Variants in SERPINB13 observed in about 807,000 individuals in gnomAD.
SERPINB13 encodes the protein serpin family B member 13, also known as serpin B13.
A neutral mutation model predicts 31.2 loss-of-function variants in SERPINB13; 26 were observed. The observed-to-expected ratio is 0.83, with a 90% CI of 0.61 to 1.15. The LOEUF (loss-of-function observed/expected upper bound fraction) is 1.15. Ranked by LOEUF, SERPINB13 falls within the 50% of genes most tolerant of loss-of-function variation. The pLI, the probability that SERPINB13 is intolerant of heterozygous loss-of-function variation, is 0.00. For synonymous variants in SERPINB13, 191 were observed against 172.4 expected (o/e 1.11, Z -0.85); for missense variants, 510 against 469.4 (o/e 1.09, Z -0.80).
At position 63,588,777 on chromosome 18, in the gene SERPINB13, C is replaced by A. The variant is rs545943149; in HGVS notation, c.110C>A (p.Ala37Glu). 2 of 1,614,154 alleles carry A rather than the reference C, an allele frequency of 1.2e-6. No homozygotes were observed. The highest frequency in any genetic ancestry group is 2.7e-5 in the African/African-American group (2 of 75,040). Reference sequence around the variant, plus strand: ...TTTTCCCCTGTGGGCATCTTGACTGCAATTGGCATGGTCCTCCTGGGGACC... The same window carrying A: ...TTTTCCCCTGTGGGCATCTTGACTGAAATTGGCATGGTCCTCCTGGGGACC... ...IFFSPVGILTAIGMVLLGTRG... is the reference protein window; with the variant it reads ...IFFSPVGILTEIGMVLLGTRG... The change falls in exon 2 of 8, where the codon GCA (alanine) becomes GAA (glutamate). Residue 37 changes from alanine to glutamate, a missense_variant. Ala to Glu is a moderately radical substitution (Grantham distance 107, BLOSUM62 -1). Transcript: ENST00000344731.
rs982447274 is a variant in SERPINB13, at chr18:63,598,387, G to T, written c.*1024G>T. 1 of 152,052 alleles carries T rather than the reference G, an allele frequency of 6.6e-6. No individual in the cohort carries two copies. Among genetic ancestry groups the T allele is most frequent in the Non-Finnish European group, 1.5e-5 (1 of 67,996 alleles). 9.4% of individuals were successfully genotyped at this position (152,052 alleles called of 1,614,324 possible). A position where few individuals can be genotyped will look rare whatever the true frequency, so the allele number is the denominator to read the frequency against. On this transcript the variant is annotated 3_prime_UTR_variant, in exon 8 of 8. Coordinates refer to ENST00000344731, the MANE Select transcript of SERPINB13 (RefSeq NM_012397.4). ...TATGCATCGCCACAATCCAGTTTTA[G>T]AATATTTCCATGACCCTAAGAAGTT...
At chr18:63,595,870 C>T (rs1446009640) in intron 7 of SERPINB13, among the ~76,000 whole-genome samples, 8 of 151,294 alleles carry the variant, frequency 5.3e-5, no homozygotes, top group Non-Finnish European at 1.0e-4. Flanking sequence ...CTGCACTCCG[C>T]CTGGGTGACA....
rs966534099 is a variant in SERPINB13 at position 63,599,149 on chromosome 18, C to T, written c.*1786C>T. On this transcript the variant is annotated 3_prime_UTR_variant, in exon 8 of 8. Coordinates refer to ENST00000344731, the MANE Select transcript of SERPINB13 (RefSeq NM_012397.4). ...TAAATGAGTTCTTAATAATCTCTGG[C>T]TTACAAGTCCTTAATTTATCAAATA... is the stretch of plus-strand genomic sequence containing the variant. 19 of 152,174 alleles carry T rather than the reference C, an allele frequency of 1.2e-4. 1 individual carries two copies. The highest frequency in any genetic ancestry group is 9.8e-4 in the Admixed American group (15 of 15,292). 9.4% of individuals were successfully genotyped at this position (152,174 alleles called of 1,614,324 possible).
chr18:63,592,132 G>C (rs578094984), intron 3 of SERPINB13, among the ~76,000 whole-genome samples: 48 of 152,306 alleles, frequency 3.2e-4, no homozygotes, highest in African/African-American at 1.1e-3. Context: ...TGGGCTGGCA[G>C]AGAAGGCTTC....
At chr18:63,592,320 C>A in intron 3 of SERPINB13, 28 bp from the exon 4 acceptor site, 1 of 1,598,536 alleles carries the variant, frequency 6.3e-7, no homozygotes, top group Non-Finnish European at 8.5e-7. Context: ...CCAAGATAAC[C>A]TGTTGAGATT....
intron 4 of SERPINB13, 49 bp from the exon 5 acceptor site, chr18:63,592,805 T>C: frequency 8.4e-7 from 1 of 1,187,446 alleles, no homozygotes; most frequent in Non-Finnish European, 1.2e-6. Context: ...TGGCAATTGA[T>C]AAATTGAGTT....
intron 3 of SERPINB13, among the ~76,000 whole-genome samples, chr18:63,590,408 C>G (rs1911784667): frequency 6.6e-6 from 1 of 152,184 alleles, no homozygotes; most frequent in Non-Finnish European, 1.5e-5. Context: ...TAGTGCAATT[C>G]CAGACCCTCA....
chr18:63,596,260 CA>C (rs1316056862), intron 7 of SERPINB13, among the ~76,000 whole-genome samples: 1 of 152,094 alleles, frequency 6.6e-6, no homozygotes, highest in East Asian at 1.9e-4. Context: ...TTTGAGACAG[CA>C]AAATAGCAAT....
At chr18:63,592,275 G>T (rs559050399) in intron 3 of SERPINB13, 73 bp from the exon 4 acceptor site, 6 of 1,511,138 alleles carry the variant, frequency 4.0e-6, no homozygotes, top group Non-Finnish European at 4.5e-6. Context: ...CCCAGCAGCC[G>T]CATCCTCTTA....
In SERPINB13 at chr18:63,598,440, C is replaced by CTAGG. The variant is rs1292286753; in HGVS notation, c.*1078_*1081dup. The CTAGG allele has an allele frequency of 6.6e-6, 1 of 152,064 alleles. No individual in the cohort carries two copies. Among genetic ancestry groups the CTAGG allele is most frequent in the African/African-American group, 2.4e-5 (1 of 41,414 alleles). 9.4% of individuals were successfully genotyped at this position (152,064 alleles called of 1,614,324 possible). ...CTCATGTCTATTAATATTCCCAATC[C>CTAGG]TAGGCACCACTGAGTTGTTTTCTGT... is the stretch of plus-strand genomic sequence containing the variant. On this transcript the variant is annotated 3_prime_UTR_variant, in exon 8 of 8. Transcript: ENST00000344731.
At chr18:63,591,554 G>T (rs1336629422) in intron 3 of SERPINB13, among the ~76,000 whole-genome samples, 1 of 151,834 alleles carries the variant, frequency 6.6e-6, no homozygotes, top group Non-Finnish European at 1.5e-5. Context: ...AAGCTATCCA[G>T]TATAGTAGCT....
chr18:63,595,326 G>C, intron 7 of SERPINB13, 142 bp downstream of exon 7: 1 of 788,068 alleles, frequency 1.3e-6, no homozygotes, highest in Non-Finnish European at 2.0e-6. Flanking sequence ...TGTCTACTGG[G>C]GAGCATTAAA....
Position 63,597,277 on chromosome 18 carries a change from G to A in SERPINB13, c.1090G>A (p.Val364Ile), listed in dbSNP as rs768024711. ...TVTSAPGHEN[V>I]HCNHPFLFFI... ...CACATCCGCCCCAGGTCATGAAAAT[G>A]TTCACTGCAATCATCCCTTCCTGTT... The change falls in exon 8 of 8, where the codon GTT becomes ATT. Residue 364 changes from valine (V) to isoleucine (I), a missense_variant. Physicochemically the swap from Val to Ile is conservative, Grantham distance 29. Coordinates refer to ENST00000344731, the MANE Select transcript of SERPINB13 (RefSeq NM_012397.4). The A allele has an allele frequency of 1.2e-6, 2 of 1,614,204 alleles. No individual in the cohort carries two copies. Among genetic ancestry groups the A allele is most frequent in the South Asian group, 2.2e-5 (2 of 91,080 alleles).
In SERPINB13 at chr18:63,596,986, T is replaced by C. The variant is rs142729847; in HGVS notation, c.799T>C (p.Leu267=). 14 of 1,611,116 alleles carry C rather than the reference T, an allele frequency of 8.7e-6. No homozygotes were observed. The African/African-American group carries it at 9.4e-5, about 11-fold the overall frequency. The change falls in exon 8 of 8, where the codon TTG becomes CTG. Residue 267 remains leucine (L), a synonymous_variant. Coordinates refer to ENST00000344731, the MANE Select transcript of SERPINB13 (RefSeq NM_012397.4). Reference sequence around the variant, plus strand: ...AATAGATAAAATAAGTCCTGAGAAATTGGTAGAGTGGACTAGTCCAGGGCA... The same window carrying C: ...AATAGATAAAATAAGTCCTGAGAAACTGGTAGAGTGGACTAGTCCAGGGCA... ...KIIDKISPEK[L]VEWTSPGHME... is the part of the protein sequence containing the mutation.
rs1307961678 is a variant in SERPINB13, at chr18:63,597,437, C to T, written c.*74C>T. 8.3e-6 allele frequency: 12 copies of T among 1,453,368 alleles called. No homozygotes were observed. The highest frequency in any genetic ancestry group is 7.4e-6 in the Non-Finnish European group (8 of 1,081,356). The allele number at this position is 1,453,368 out of a possible 1,614,324, so 90.0% of individuals were successfully genotyped here. A position where few individuals can be genotyped will look rare whatever the true frequency, so the allele number is the denominator to read the frequency against. The stretch of plus-strand genomic sequence containing the variant: ...GTGTTACTCATATGATTATGAAAAT[C>T]GTCCATTCTTTTAAATGTTGTCTCA... On this transcript the variant is annotated 3_prime_UTR_variant, in exon 8 of 8. Transcript: ENST00000344731.
At chr18:63,590,911 C>T (rs995101405) in intron 3 of SERPINB13, among the ~76,000 whole-genome samples, 1 of 152,130 alleles carries the variant, frequency 6.6e-6, no homozygotes, top group African/African-American at 2.4e-5. Flanking sequence ...ATAGTTTGCC[C>T]AGAGACTGGC....
Position 63,594,954 on chromosome 18 carries a change from A to G in SERPINB13, c.616-75A>G. The G allele has an allele frequency of 2.2e-6, 3 of 1,363,826 alleles. No homozygotes were observed. The South Asian group carries it at 4.3e-5, about 20-fold the overall frequency. 84.5% of individuals were successfully genotyped at this position (1,363,826 alleles called of 1,614,324 possible). A position where few individuals can be genotyped will look rare whatever the true frequency, so the allele number is the denominator to read the frequency against. ...ATTTTAGATTGAGCTAATTATTTTGATGAACTAACTTGGTTGCCTTAATGC... is the reference window on the plus strand; with the variant it reads ...ATTTTAGATTGAGCTAATTATTTTGGTGAACTAACTTGGTTGCCTTAATGC... On this transcript the variant is annotated intron_variant, in intron 6 of 7. Coordinates refer to ENST00000344731, the MANE Select transcript of SERPINB13 (RefSeq NM_012397.4).
chr18:63,592,813 G>A (rs1355330861), intron 4 of SERPINB13, 41 bp from the exon 5 acceptor site: 4 of 1,292,998 alleles, frequency 3.1e-6, no homozygotes, highest in South Asian at 2.6e-5. Flanking sequence ...GATAAATTGA[G>A]TTTTTAACCT....
chr18:63,594,924 G>C, intron 6 of SERPINB13, 105 bp from the exon 7 acceptor site: 1 of 1,063,658 alleles, frequency 9.4e-7, no homozygotes, highest in Non-Finnish European at 1.3e-6. Flanking sequence ...CTGATATTGG[G>C]TTTTATTTTA....
Sources: allele counts gnomAD v4.1 joint callset (sites outside exome capture counted in the v4.1 genomes callset), GRCh38; gene constraint gnomAD v4.1.1; transcripts MANE v1.5; gene names NCBI Gene and HGNC (gene_info 2026-07-23, HGNC 2026-07-21).